The following EPHB1 variants were observed in gnomAD, a reference collection of about 807,000 sequenced individuals.
The protein encoded by EPHB1 is EPH receptor B1, also known as ephrin type-B receptor 1.
In EPHB1, 30 loss-of-function variants were observed where a neutral mutation model predicts 94.4. The observed-to-expected ratio is 0.32, with a 90% CI of 0.24 to 0.43. The LOEUF is 0.43. Among genes scored for constraint, EPHB1 ranks in the 20% least tolerant of loss-of-function variants. The pLI, the probability that EPHB1 is intolerant of heterozygous loss-of-function variation, is 1.00. For missense variants in EPHB1, 1,055 were observed against 1,308.3 expected, an observed-to-expected ratio of 0.81 and a Z score of 2.99; for synonymous variants, 522 against 489.1, an observed-to-expected ratio of 1.07 and a Z score of -0.89.
chr3:135,128,190 T>G (rs1347332362), intron 4 of EPHB1, among the ~76,000 whole-genome samples: 1 of 152,224 alleles, frequency 6.6e-6, no homozygotes, highest in African/African-American at 2.4e-5. Context: ...GCAGATTTTC[T>G]TTCTCTGTTC....
intron 3 of EPHB1, among the ~76,000 whole-genome samples, chr3:135,042,930 C>A (rs1186086387): frequency 6.6e-6 from 1 of 152,130 alleles, no homozygotes; most frequent in Non-Finnish European, 1.5e-5. Flanking sequence ...CAACCTCCAC[C>A]TCCCAGGTTC....
At position 134,882,765 on chromosome 3, in the gene EPHB1, C is replaced by CCTTCCTTTCTTTCTTTCTTT. The variant is rs1553861897; in HGVS notation, c.59-43048_59-43047insCCTTTCTTTCTTTCTTTCTT. Among the ~76,000 whole-genome samples the CCTTCCTTTCTTTCTTTCTTT allele has an allele frequency of 1.3e-3, 106 of 79,880 alleles. 1 individual carries two copies. Among genetic ancestry groups the CCTTCCTTTCTTTCTTTCTTT allele is most frequent in the African/African-American group, 3.8e-3 (85 of 22,290 alleles). 52.4% of individuals were successfully genotyped at this position (79,880 alleles called of 152,430 possible). A position where few individuals can be genotyped will look rare whatever the true frequency, so the allele number is the denominator to read the frequency against. On this transcript the variant is annotated intron_variant, in intron 1 of 15. Transcript: ENST00000398015. ...TTCTTTCTTCCTTTCTTCCTTCCTTCCTTTCTTTCTTTCTTTCTTTCTTTC... is the reference window on the plus strand; with the variant it reads ...TTCTTTCTTCCTTTCTTCCTTCCTTCCTTCCTTTCTTTCTTTCTTTCTTTCTTTCTTTCTTTCTTTCTTTC...
intron 3 of EPHB1, among the ~76,000 whole-genome samples, chr3:135,084,965 G>A (rs993167051): frequency 5.3e-5 from 8 of 152,182 alleles, no homozygotes; most frequent in African/African-American, 1.9e-4. Context: ...TCACAGATGA[G>A]TTCTTGCTGT....
In EPHB1 at chr3:135,232,346, G is replaced by A. The variant is rs551459273; in HGVS notation, c.2347-8802G>A. Among the ~76,000 whole-genome samples the A allele has an allele frequency of 6.6e-5, 10 of 152,306 alleles. No individual in the cohort carries two copies. In the South Asian group the frequency reaches 1.4e-3, roughly 22 times the overall value. On this transcript the variant is annotated intron_variant, in intron 12 of 15. Coordinates refer to ENST00000398015, the MANE Select transcript of EPHB1 (RefSeq NM_004441.5). ...ACAGTGACTGTGGAACAGGAGCAGG[G>A]GTGTGCCACATGGATGCCCCCTGAG...
chr3:135,222,482 C>T (rs1013114228), intron 12 of EPHB1, among the ~76,000 whole-genome samples: 1 of 152,102 alleles, frequency 6.6e-6, no homozygotes, highest in African/African-American at 2.4e-5. Context: ...ACGCTTTCTT[C>T]CAATTAAAGA....
At chr3:135,086,431 T>C (rs901154695) in intron 3 of EPHB1, among the ~76,000 whole-genome samples, 4 of 151,672 alleles carry the variant, frequency 2.6e-5, no homozygotes, top group African/African-American at 4.8e-5. Context: ...CCCAGCTTAT[T>C]TGGAACACTC....
chr3:135,214,502 A>G (rs150949153), intron 12 of EPHB1, among the ~76,000 whole-genome samples: 4 of 152,278 alleles, frequency 2.6e-5, no homozygotes, highest in African/African-American at 9.6e-5. Flanking sequence ...GCCATGGCCC[A>G]TCCTGAACCT....
At chr3:135,061,879 C>T (rs988271543) in intron 3 of EPHB1, among the ~76,000 whole-genome samples, 3 of 151,986 alleles carry the variant, frequency 2.0e-5, no homozygotes, top group South Asian at 2.1e-4. Context: ...TAGTTTGCTG[C>T]GAATGATGGT....
chr3:135,082,246 C>T (rs1938190247), intron 3 of EPHB1, among the ~76,000 whole-genome samples: 1 of 152,180 alleles, frequency 6.6e-6, no homozygotes, highest in Non-Finnish European at 1.5e-5. Flanking sequence ...CTCAGTTCAA[C>T]AAGTACTTGA....
chr3:135,255,099 C>A lies in EPHB1; in HGVS notation c.2847-3913C>A, dbSNP rs1444460287. Reference sequence around the variant, plus strand: ...ATTTTTTATTGTGTCTATTTGATTCCTCTCTCTTTTTTTATTAGTCTTGCT... The same window carrying A: ...ATTTTTTATTGTGTCTATTTGATTCATCTCTCTTTTTTTATTAGTCTTGCT... On this transcript the variant is annotated intron_variant, in intron 15 of 15. Transcript: ENST00000398015. Among the ~76,000 whole-genome samples, 6 of 150,296 alleles carry A rather than the reference C, an allele frequency of 4.0e-5. No homozygotes were observed. In the East Asian group the frequency reaches 1.2e-3, roughly 29 times the overall value.
At chr3:134,798,982 G>T (rs1469573630) in intron 1 of EPHB1, among the ~76,000 whole-genome samples, 1 of 152,238 alleles carries the variant, frequency 6.6e-6, no homozygotes, top group Non-Finnish European at 1.5e-5. Flanking sequence ...GCTCTTTTGT[G>T]TAGCCTATAG....
chr3:134,925,466 C>G (rs1241734688), intron 1 of EPHB1, among the ~76,000 whole-genome samples: 1 of 152,196 alleles, frequency 6.6e-6, no homozygotes, highest in Non-Finnish European at 1.5e-5. Flanking sequence ...CTGGCAGAAT[C>G]TCTGGGAAGA....
chr3:134,946,884 C>T (rs2107712412), intron 2 of EPHB1, among the ~76,000 whole-genome samples: 1 of 152,260 alleles, frequency 6.6e-6, no homozygotes, highest in Non-Finnish European at 1.5e-5. Flanking sequence ...GAACTATAAA[C>T]CAGATAAACC....
At chr3:134,949,810 G>A (rs1313930713) in intron 2 of EPHB1, among the ~76,000 whole-genome samples, 1 of 151,944 alleles carries the variant, frequency 6.6e-6, no homozygotes, top group Non-Finnish European at 1.5e-5. Flanking sequence ...CCAGGATCTG[G>A]AGAGCTCCCA....
chr3:134,870,952 G>T lies in EPHB1; in HGVS notation c.59-54864G>T, dbSNP rs1396318259. 1.3e-5 allele frequency among the ~76,000 whole-genome samples: 2 copies of T among 152,180 alleles called. 1 individual carries two copies. The highest frequency in any genetic ancestry group is 2.9e-5 in the Non-Finnish European group (2 of 68,028). On this transcript the variant is annotated intron_variant, in intron 1 of 15. Transcript: ENST00000398015. The stretch of plus-strand genomic sequence containing the variant: ...GCTTCCTCTTGTCTTTCAAGCCCCT[G>T]CTTGGTCCCTTATACCAGGCTGGCT...
intron 3 of EPHB1, among the ~76,000 whole-genome samples, chr3:135,039,682 C>G (rs1006570927): frequency 1.3e-5 from 2 of 152,230 alleles, no homozygotes; most frequent in Non-Finnish European, 2.9e-5. Flanking sequence ...CTGCTAAGTC[C>G]CCCCTTGCTC....
chr3:134,992,407 C>T (rs892044793), intron 3 of EPHB1, among the ~76,000 whole-genome samples: 1 of 152,176 alleles, frequency 6.6e-6, no homozygotes, highest in Non-Finnish European at 1.5e-5. Context: ...GGTCCCAGGA[C>T]GACATTGCCA....
intron 3 of EPHB1, among the ~76,000 whole-genome samples, chr3:135,004,466 T>C (rs1376339311): frequency 6.6e-6 from 1 of 152,180 alleles, no homozygotes; most frequent in Non-Finnish European, 1.5e-5. Context: ...GGAGTATCTT[T>C]GTGGCGTTCT....
At chr3:134,952,860 T>C (rs1933089618) in intron 3 of EPHB1, among the ~76,000 whole-genome samples, 1 of 152,084 alleles carries the variant, frequency 6.6e-6, no homozygotes, top group Non-Finnish European at 1.5e-5. Flanking sequence ...TGGGAGTGAA[T>C]AGAAGGATCT....
Sources: gnomAD v4.1 joint callset for allele counts (sites outside exome capture counted in the v4.1 genomes callset) on GRCh38, gnomAD v4.1.1 for gene constraint, MANE v1.5 for transcripts, NCBI Gene and HGNC (gene_info 2026-07-23, HGNC 2026-07-21) for gene names.